Variants in PCDH15 observed in about 807,000 individuals in gnomAD.
PCDH15 encodes protocadherin related 15.
PCDH15 carries 129 observed loss-of-function variants against 178.5 expected under a neutral mutation model. That is an observed-to-expected ratio of 0.72 (90% CI 0.63 to 0.84). PCDH15 has a LOEUF of 0.84. PCDH15 is among the 40% of genes least tolerant of loss of function. The pLI is 0.00. For synonymous variants in PCDH15, 800 were observed against 732.0 expected (o/e 1.09, Z -1.50); for missense variants, 2,230 against 2,099.9 (o/e 1.06, Z -1.21).
chr10:54,293,105 G>A (rs1374607413), intron 8 of PCDH15, among the ~76,000 whole-genome samples: 2 of 152,114 alleles, frequency 1.3e-5, no homozygotes, highest in Non-Finnish European at 2.9e-5. Context: ...CATGGTACTG[G>A]TACAAAAACA....
intron 1 of PCDH15, among the ~76,000 whole-genome samples, chr10:54,731,563 T>TATATATATATATATATATATACACACAC: frequency 4.0e-5 from 2 of 49,882 alleles, no homozygotes; most frequent in African/African-American, 6.5e-5. Flanking sequence ...TATATATATA[T>TATATATATATATATATATATACACACAC]ACACACACAC....
intron 32 of PCDH15, chr10:53,823,243 A>C (rs780305578): frequency 1.2e-6 from 2 of 1,614,028 alleles, no homozygotes. Context: ...ACATGAGCTG[A>C]CTTGTGAGCC....
chr10:55,178,332 G>T lies in PCDH15; in HGVS notation c.-155-11681C>A, dbSNP rs554628415. ...TCTAATCTGGGAGGGCTGCATAAGA[G>T]AAATAAAACTTCAATATTCTTCTGA... On this transcript the variant is annotated intron_variant, in intron 1 of 5. Coordinates refer to the PCDH15 transcript ENST00000458638. 2.6e-5 allele frequency among the ~76,000 whole-genome samples: 4 copies of T among 152,212 alleles called. No individual in the cohort carries two copies. In the South Asian group the frequency reaches 8.3e-4, roughly 32 times the overall value.
At chr10:54,117,429 TG>T in intron 15 of PCDH15, among the ~76,000 whole-genome samples, 1 of 152,238 alleles carries the variant, frequency 6.6e-6, no homozygotes, top group East Asian at 1.9e-4. Context: ...CCCTTAGATC[TG>T]GGTTCCATAA....
At chr10:54,132,853 A>ACC (rs1323686617) in intron 15 of PCDH15, 22 bp downstream of exon 15, 1 of 1,600,604 alleles carries the variant, frequency 6.2e-7, no homozygotes, top group Non-Finnish European at 8.5e-7. Flanking sequence ...ACACACACAC[A>ACC]CACACACACC....
At chr10:54,361,499 A>C (rs1015635270) in intron 5 of PCDH15, among the ~76,000 whole-genome samples, 1 of 152,000 alleles carries the variant, frequency 6.6e-6, no homozygotes, top group Non-Finnish European at 1.5e-5. Flanking sequence ...CTCATGTTAC[A>C]TTCTCTGTAT....
At chr10:55,193,909 G>T (rs533185314) in intron 1 of PCDH15, among the ~76,000 whole-genome samples, 1 of 151,914 alleles carries the variant, frequency 6.6e-6, no homozygotes, top group African/African-American at 2.4e-5. Context: ...CTTAAATAAT[G>T]ATAAAGCCAT....
At chr10:55,188,792 A>G (rs1839868323) in intron 1 of PCDH15, among the ~76,000 whole-genome samples, 1 of 151,852 alleles carries the variant, frequency 6.6e-6, no homozygotes, top group Admixed American at 6.6e-5. Flanking sequence ...ACATATATGT[A>G]AACTAATTTC....
At chr10:54,161,897 T>C (rs2133450527) in intron 13 of PCDH15, among the ~76,000 whole-genome samples, 1 of 152,262 alleles carries the variant, frequency 6.6e-6, no homozygotes, top group Admixed American at 6.5e-5. Flanking sequence ...TCTCCTCAGC[T>C]GCAGCACCTG....
At chr10:55,516,635 C>T (rs1841018945) in intron 2 of PCDH15, among the ~76,000 whole-genome samples, 4 of 152,026 alleles carry the variant, frequency 2.6e-5, no homozygotes, top group Admixed American at 2.6e-4. Context: ...TTACTTTTTA[C>T]CACCCAAGTC....
At chr10:54,307,143 TATATATAA>T in intron 8 of PCDH15, among the ~76,000 whole-genome samples, 1 of 96,498 alleles carries the variant, frequency 1.0e-5, no homozygotes, top group Admixed American at 1.3e-4. Context: ...TATATATATA[TATATATAA>T]AATTGCTTCA....
chr10:55,309,294 T>C (rs1432789758), intron 1 of PCDH15, among the ~76,000 whole-genome samples: 2 of 152,132 alleles, frequency 1.3e-5, no homozygotes, highest in Non-Finnish European at 2.9e-5. Flanking sequence ...GACAGGAGAA[T>C]CGCTGGAAGC....
chr10:54,881,056 G>A (rs10825414), intron 3 of PCDH15, among the ~76,000 whole-genome samples: 47,438 of 151,754 alleles, frequency 0.31, 7,935 homozygotes, highest in East Asian at 0.57. Context: ...TTGAATTTAA[G>A]CTCAGCATTG....
At chr10:55,412,585 A>G (rs1838365755) in intron 2 of PCDH15, among the ~76,000 whole-genome samples, 1 of 151,988 alleles carries the variant, frequency 6.6e-6, no homozygotes, top group Admixed American at 6.6e-5. Context: ...GGGAGATCAA[A>G]TTATATAAAG....
chr10:55,449,636 A>G (rs1490169177), intron 2 of PCDH15, among the ~76,000 whole-genome samples: 1 of 152,172 alleles, frequency 6.6e-6, no homozygotes, highest in Non-Finnish European at 1.5e-5. Flanking sequence ...GAAATATATG[A>G]TAGGAATAAT....
At chr10:55,318,378 TA>T (rs1484447985) in intron 1 of PCDH15, among the ~76,000 whole-genome samples, 1 of 152,050 alleles carries the variant, frequency 6.6e-6, no homozygotes, top group African/African-American at 2.4e-5. Context: ...ACATAAGAAA[TA>T]AAAGCAGACA....
chr10:55,550,330 G>A (rs972709253), intron 2 of PCDH15, among the ~76,000 whole-genome samples: 1 of 152,104 alleles, frequency 6.6e-6, no homozygotes, highest in Non-Finnish European at 1.5e-5. Context: ...TTAATAAAAA[G>A]CTAGGATTCT....
At chr10:53,928,305 T>C (rs1564792384) in intron 25 of PCDH15, among the ~76,000 whole-genome samples, 2 of 151,992 alleles carry the variant, frequency 1.3e-5, no homozygotes. Context: ...CAGCTACTTG[T>C]TAAAGTTGGG....
At position 54,485,229 on chromosome 10, in the gene PCDH15, C is replaced by T. The variant is rs138994623; in HGVS notation, c.157+42583G>A. ...AAAGTTTTGAGCAATAAAAAAAAAT[C>T]TCCGACTTTCTATATACCAGAAACT... On this transcript the variant is annotated intron_variant, in intron 3 of 37. Transcript: ENST00000644397. Among the ~76,000 whole-genome samples the T allele has an allele frequency of 2.6e-4, 39 of 151,904 alleles. No individual in the cohort carries two copies. In the East Asian group the frequency reaches 5.6e-3, roughly 22 times the overall value.
Sources: gnomAD v4.1 joint callset for allele counts (sites outside exome capture counted in the v4.1 genomes callset) on GRCh38, gnomAD v4.1.1 for gene constraint, MANE v1.5 for transcripts, NCBI Gene and HGNC (gene_info 2026-07-23, HGNC 2026-07-21) for gene names.